The following GRIPAP1 variants were observed in gnomAD, a reference collection of about 807,000 sequenced individuals.
The protein encoded by GRIPAP1 is GRIP1 associated protein 1.
In GRIPAP1, 14 loss-of-function variants were observed where a neutral mutation model predicts 84.1. That is an observed-to-expected ratio of 0.17 (90% confidence interval 0.11 to 0.26). The LOEUF (loss-of-function observed/expected upper bound fraction) is 0.26. Ranked by LOEUF, GRIPAP1 falls within the 10% of genes least tolerant of loss-of-function variation. The probability of loss-of-function intolerance (pLI) is 1.00; values close to 1 mark genes in which losing one functional copy is unlikely to be tolerated. For missense variants in GRIPAP1, 518 were observed against 674.2 expected, an observed-to-expected ratio of 0.77 and a Z score of 2.57; for synonymous variants, 261 against 256.8, an observed-to-expected ratio of 1.02 and a Z score of -0.15.
intron 7 of GRIPAP1, 72 bp downstream of exon 7, chrX:48,990,854 G>A (rs1034089777): frequency 6.2e-5 from 64 of 1,025,737 alleles, no homozygotes; most frequent in African/African-American, 9.3e-5. Context: ...AGCCATCTCC[G>A]TGGGACTATA....
chrX:48,982,938 C>A lies in GRIPAP1; in HGVS notation c.1599+41G>T, dbSNP rs376281561. 1.4e-5 allele frequency: 12 copies of A among 885,169 alleles called. No individual in the cohort carries two copies. The African/African-American group carries it at 1.8e-4, about 13-fold the overall frequency. 72.9% of individuals were successfully genotyped at this position (885,169 alleles called of 1,213,427 possible). On this transcript the variant is annotated intron_variant, in intron 17 of 25. Transcript: ENST00000376423. Reference sequence around the variant, plus strand: ...TGCTTCTGTGGTTTGACATGAGGGCCCCAATCAGCCTCTGTTCCTCACCAG... The same window carrying A: ...TGCTTCTGTGGTTTGACATGAGGGCACCAATCAGCCTCTGTTCCTCACCAG...
At chrX:48,993,127 TCTC>T (rs1275141946) in intron 6 of GRIPAP1, among the ~76,000 whole-genome samples, 1 of 112,588 alleles carries the variant, frequency 8.9e-6, no homozygotes, top group African/African-American at 3.2e-5. Context: ...GCCGCAAATA[TCTC>T]CTTTTTGACA....
At chrX:48,993,846 C>T (rs1557066175) in intron 5 of GRIPAP1, among the ~76,000 whole-genome samples, 1 of 111,549 alleles carries the variant, frequency 9.0e-6, no homozygotes, top group Non-Finnish European at 1.9e-5. Context: ...CCTCTTCCTA[C>T]TCCCAACCTC....
In GRIPAP1 at chrX:48,997,361, C is replaced by T. The variant is rs73209766; in HGVS notation, c.199-4G>A. On this transcript the variant is annotated splice_polypyrimidine_tract_variant and splice_region_variant and intron_variant, in intron 4 of 25. Coordinates refer to ENST00000376423, the MANE Select transcript of GRIPAP1 (RefSeq NM_020137.5). The stretch of plus-strand genomic sequence containing the variant: ...CACTCAGCAATACCTCGACTTCCTG[C>T]AGTGGCAGACAAGGGCCAGGACTCC... The T allele has an allele frequency of 7.3e-3, 7,710 of 1,063,397 alleles. 28 individuals carry two copies. The highest frequency in any genetic ancestry group is 9.0e-3 in the Non-Finnish European group (6,949 of 776,283). 87.6% of individuals were successfully genotyped at this position (1,063,397 alleles called of 1,213,427 possible).
chrX:48,974,843 T>C (rs1003860380), intron 25 of GRIPAP1, among the ~76,000 whole-genome samples: 3 of 110,692 alleles, frequency 2.7e-5, no homozygotes, highest in African/African-American at 6.6e-5. Flanking sequence ...TGTCAAGAAA[T>C]GGGTGGCAGG....
At chrX:48,981,940 G>A in intron 17 of GRIPAP1, 68 bp from the exon 18 acceptor site, 2 of 743,975 alleles carry the variant, frequency 2.7e-6, no homozygotes, top group East Asian at 3.5e-5. Context: ...GGGGTATGAG[G>A]GACTGCAATG....
At chrX:48,998,984 G>C in intron 3 of GRIPAP1, 1 of 357,867 alleles carries the variant, frequency 2.8e-6, no homozygotes, top group South Asian at 6.3e-5. Context: ...TTAATTAAAA[G>C]TCAGTGAATG....
At chrX:48,997,956 AAG>A in intron 4 of GRIPAP1, 196 bp downstream of exon 4, 2 of 449,120 alleles carry the variant, frequency 4.5e-6, no homozygotes, top group East Asian at 3.9e-5. Flanking sequence ...AAAGAATGGA[AAG>A]AGAGAGAAGG....
chrX:49,000,364 C>CAAAAAA (rs1156902802), intron 1 of GRIPAP1, among the ~76,000 whole-genome samples: 1 of 22,231 alleles, frequency 4.5e-5, no homozygotes, highest in Non-Finnish European at 6.3e-5. Context: ...GACTCTGTCT[C>CAAAAAA]AAAAAAAAAA....
chrX:49,001,596 T>A (rs1557068609), intron 1 of GRIPAP1, among the ~76,000 whole-genome samples: 1 of 110,032 alleles, frequency 9.1e-6, no homozygotes, highest in African/African-American at 3.3e-5. Context: ...CCTAATGGGA[T>A]CACCCTTAAT....
At chrX:48,978,827 G>A (rs1387597547) in intron 21 of GRIPAP1, among the ~76,000 whole-genome samples, 1 of 108,281 alleles carries the variant, frequency 9.2e-6, no homozygotes, top group African/African-American at 3.4e-5. Context: ...CCAAGGAGGC[G>A]GAGGTTACAG....
At chrX:48,975,041 G>C in intron 25 of GRIPAP1, 114 bp downstream of exon 25, 2 of 606,157 alleles carry the variant, frequency 3.3e-6, no homozygotes, top group Non-Finnish European at 5.1e-6. Context: ...GAGGATAGCT[G>C]GGAGGACAGG....
intron 13 of GRIPAP1, among the ~76,000 whole-genome samples, chrX:48,987,436 C>T (rs1363141559): frequency 9.8e-6 from 1 of 101,705 alleles, no homozygotes; most frequent in African/African-American, 3.6e-5. Context: ...CATGAGCCAC[C>T]ACGCCCTTTT....
At chrX:48,975,365 C>T in intron 24 of GRIPAP1, 56 bp from the exon 25 acceptor site, 1 of 1,106,558 alleles carries the variant, frequency 9.0e-7, no homozygotes, top group Non-Finnish European at 1.2e-6. Context: ...GAGAGCCAGG[C>T]AGAGCCAGAG....
rs781816520 is a variant in GRIPAP1, at chrX:48,981,577, C to T, written c.1773+19G>A. On this transcript the variant is annotated intron_variant, in intron 19 of 25. Transcript: ENST00000376423. ...CTGAGGATCAGGGGTGTGTCTGGGG[C>T]TGTGCAGTGACCACTGACCTGCTTC... 6 of 1,175,082 alleles carry T rather than the reference C, an allele frequency of 5.1e-6. No individual in the cohort carries two copies. In the African/African-American group the frequency reaches 8.8e-5, roughly 17 times the overall value.
At chrX:48,974,915 G>A (rs2064414187) in intron 25 of GRIPAP1, among the ~76,000 whole-genome samples, 1 of 111,646 alleles carries the variant, frequency 9.0e-6, no homozygotes, top group Non-Finnish European at 1.9e-5. Context: ...ATGGGCAAAT[G>A]GTTGGGTGAA....
At position 48,990,005 on chromosome X, in the gene GRIPAP1, T is replaced by TG; in HGVS notation, c.691-3dup. The stretch of plus-strand genomic sequence containing the variant: ...TTTCTTTTTCAGTTTCTCGGAGAGC[T>TG]GGGGAGAGAGGTACAGACAAGTGAT... On this transcript the variant is annotated splice_polypyrimidine_tract_variant and splice_region_variant and intron_variant, in intron 8 of 25. Coordinates refer to ENST00000376423, the MANE Select transcript of GRIPAP1 (RefSeq NM_020137.5). 8.4e-7 allele frequency: 1 copy of TG among 1,184,775 alleles called. No individual in the cohort carries two copies. Among genetic ancestry groups the TG allele is most frequent in the Non-Finnish European group, 1.1e-6 (1 of 875,314 alleles).
Position 48,981,697 on chromosome X carries a change from A to G in GRIPAP1, c.1678-6T>C, listed in dbSNP as rs1602469670. 1 of 1,193,637 alleles carries G rather than the reference A, an allele frequency of 8.4e-7. No individual in the cohort carries two copies. Among genetic ancestry groups the G allele is most frequent in the African/African-American group, 1.8e-5 (1 of 57,075 alleles). On this transcript the variant is annotated splice_polypyrimidine_tract_variant and splice_region_variant and intron_variant, in intron 18 of 25. Transcript: ENST00000376423. ...TGTAGCTCCTCCTCCTTGCCCTGCAAAGCAGAAAGCAGCTTAGGCATTGGC... is the reference window on the plus strand; with the variant it reads ...TGTAGCTCCTCCTCCTTGCCCTGCAGAGCAGAAAGCAGCTTAGGCATTGGC...
At chrX:48,996,343 C>T (rs1032195024) in intron 5 of GRIPAP1, among the ~76,000 whole-genome samples, 10 of 112,352 alleles carry the variant, frequency 8.9e-5, no homozygotes, top group Non-Finnish European at 1.5e-4. Context: ...CGGTGGCTCA[C>T]GCCTTTAATC....
Sources: gnomAD v4.1 joint callset for allele counts (sites outside exome capture counted in the v4.1 genomes callset) on GRCh38, gnomAD v4.1.1 for gene constraint, MANE v1.5 for transcripts, NCBI Gene and HGNC (gene_info 2026-07-23, HGNC 2026-07-21) for gene names.